ZFP64: variants seen among roughly 807,000 people sequenced by gnomAD.
ZFP64 encodes ZFP64 zinc finger protein.
In ZFP64, 14 loss-of-function variants were observed where a neutral mutation model predicts 51.6. That is an observed-to-expected ratio of 0.27 (90% confidence interval 0.18 to 0.42). The LOEUF (loss-of-function observed/expected upper bound fraction) is 0.42, where lower values mean the gene tolerates loss of function less well. Ranked by LOEUF, ZFP64 falls within the 10% of genes least tolerant of loss-of-function variation. ZFP64 has a pLI of 1.00. For missense variants in ZFP64, 754 were observed against 906.8 expected (o/e 0.83, Z 2.16); for synonymous variants, 375 against 361.4 (o/e 1.04, Z -0.43).
chr20:52,110,552 T>G, intron 5 of ZFP64: 1 of 724,328 alleles, frequency 1.4e-6, no homozygotes, highest in Non-Finnish European at 2.5e-6. Context: ...TCAGTCTCCT[T>G]CACACTTGAG....
At chr20:52,165,683 T>C (rs944118975) in intron 3 of ZFP64, 181 bp downstream of exon 3, 4 of 829,278 alleles carry the variant, frequency 4.8e-6, no homozygotes, top group Non-Finnish European at 7.9e-6. Context: ...AGAGGCAGAA[T>C]GACCACAGAC....
intron 5 of ZFP64, among the ~76,000 whole-genome samples, chr20:52,120,087 G>T (rs1334698029): frequency 6.6e-6 from 1 of 152,102 alleles, no homozygotes; most frequent in African/African-American, 2.4e-5. Flanking sequence ...TATAAAAGAG[G>T]CATCAGAGAG....
At chr20:52,124,781 T>C (rs1170323152) in intron 5 of ZFP64, among the ~76,000 whole-genome samples, 5 of 151,746 alleles carry the variant, frequency 3.3e-5, no homozygotes, top group Admixed American at 1.3e-4. Context: ...ATTTTCTTTT[T>C]TTTTTAGAGA....
intron 6 of ZFP64, chr20:52,098,295 G>T: frequency 8.6e-7 from 1 of 1,160,102 alleles, no homozygotes; most frequent in South Asian, 1.6e-5. Context: ...GCCCCCCAGG[G>T]AAGGCTGTTG....
chr20:52,091,395 G>A (rs577466098), intron 7 of ZFP64, among the ~76,000 whole-genome samples: 10 of 152,198 alleles, frequency 6.6e-5, no homozygotes, highest in African/African-American at 2.4e-4. Context: ...TAAATGCTCT[G>A]AAGATACCTA....
chr20:52,085,331 G>T lies in ZFP64; in HGVS notation c.1229-65C>A. On this transcript the variant is annotated intron_variant, in intron 8 of 8. Coordinates refer to the ZFP64 transcript ENST00000361387. This position sits in a 1 kb window ranked among gnomAD's most constrained non-coding sequence, Gnocchi z 4.3. ...AAAACAGACCCTCCCACCCCAACCT[G>T]CCTTAGCACACTTGGCCGCCATGAG... The T allele has an allele frequency of 1.3e-6, 2 of 1,483,132 alleles. No individual in the cohort carries two copies. The highest frequency in any genetic ancestry group is 4.5e-5 in the Admixed American group (2 of 44,616). The allele number at this position is 1,483,132 out of a possible 1,614,324, so 91.9% of individuals were successfully genotyped here.
chr20:52,164,779 T>C (rs1982111549), intron 3 of ZFP64, 22 bp from the exon 4 acceptor site: 1 of 1,595,964 alleles, frequency 6.3e-7, no homozygotes, highest in Non-Finnish European at 8.6e-7. Context: ...AAGGAAAGAT[T>C]AATTACAAAG....
chr20:52,165,169 T>C (rs1982147703), intron 3 of ZFP64: 1 of 458,664 alleles, frequency 2.2e-6, no homozygotes, highest in South Asian at 1.5e-5. Context: ...TCTTTTGATA[T>C]TGGTAGAAAG....
chr20:52,086,039 G>C (rs1190375528), intron 8 of ZFP64, among the ~76,000 whole-genome samples: 1 of 152,100 alleles, frequency 6.6e-6, no homozygotes, highest in Non-Finnish European at 1.5e-5. Context: ...TCACATTTTA[G>C]TCCATCAGCT....
intron 7 of ZFP64, among the ~76,000 whole-genome samples, chr20:52,094,908 A>T (rs557261462): frequency 6.6e-6 from 1 of 152,178 alleles, no homozygotes; most frequent in Non-Finnish European, 1.5e-5. Context: ...CTAACCCTAC[A>T]ATGATGGTGA....
intron 7 of ZFP64, among the ~76,000 whole-genome samples, chr20:52,094,733 G>A (rs192638247): frequency 6.9e-4 from 101 of 146,932 alleles, no homozygotes; most frequent in Non-Finnish European, 1.2e-3. Context: ...AGAAGACCCT[G>A]TCTCAAAATA....
intron 5 of ZFP64, among the ~76,000 whole-genome samples, chr20:52,133,790 T>C (rs1174442725): frequency 6.6e-6 from 1 of 152,062 alleles, no homozygotes; most frequent in Non-Finnish European, 1.5e-5. Context: ...TCCAGCACTC[T>C]GGCAGGCCGG....
chr20:52,160,090 G>A lies in ZFP64; in HGVS notation c.763+33C>T. 1.2e-6 allele frequency: 2 copies of A among 1,613,988 alleles called. No homozygotes were observed. Among genetic ancestry groups the A allele is most frequent in the Non-Finnish European group, 1.7e-6 (2 of 1,180,024 alleles). ...TATGATTTATGCCATAGAAAGTGAG[G>A]AGCGTAGAGAGCAAATAACAGGCAG... On this transcript the variant is annotated intron_variant, in intron 5 of 5. Transcript: ENST00000216923. This position sits in a 1 kb window ranked among gnomAD's most constrained non-coding sequence, Gnocchi z 4.2.
intron 6 of ZFP64, among the ~76,000 whole-genome samples, chr20:52,097,884 C>G (rs6013389): frequency 7.3e-6 from 1 of 137,430 alleles, no homozygotes; most frequent in African/African-American, 2.8e-5. Context: ...GCCTGGGTAA[C>G]GTAGAGACCC....
chr20:52,152,647 G>A lies in ZFP64; in HGVS notation c.1545C>T (p.Ala515=), dbSNP rs776331231. Reference sequence around the variant, plus strand: ...GCGGGACGATGTTCACTGCAGCGGCGGCAGCCTGGACGATGGTGTTCGCCT... The same window carrying A: ...GCGGGACGATGTTCACTGCAGCGGCAGCAGCCTGGACGATGGTGTTCGCCT... ...VPQANTIVQA[A]AAAVNIVPPA... is the part of the protein sequence containing the mutation. The change falls in exon 6 of 6, where the codon GCC becomes GCT. Residue 515 remains alanine (A), a synonymous_variant. Coordinates refer to ENST00000216923, the MANE Select transcript of ZFP64 (RefSeq NM_018197.3). 1 of 1,532,764 alleles carries A rather than the reference G, an allele frequency of 6.5e-7. No homozygotes were observed. The highest frequency in any genetic ancestry group is 8.7e-7 in the Non-Finnish European group (1 of 1,143,786). 94.9% of individuals were successfully genotyped at this position (1,532,764 alleles called of 1,614,324 possible). A position where few individuals can be genotyped will look rare whatever the true frequency, so the allele number is the denominator to read the frequency against.
intron 7 of ZFP64, chr20:52,088,910 A>C (rs1278592370): frequency 1.6e-6 from 1 of 617,418 alleles, no homozygotes; most frequent in Non-Finnish European, 3.0e-6. Flanking sequence ...GAAAAATGGC[A>C]GTGGTTATAG....
exon 8 of ZFP64, chr20:52,088,410 G>A (rs756936017): frequency 2.3e-5 from 37 of 1,612,076 alleles, no homozygotes; most frequent in Non-Finnish European, 3.1e-5. Flanking sequence ...GATCGCAGGT[G>A]GACGGTGAGC....
intron 5 of ZFP64, among the ~76,000 whole-genome samples, chr20:52,123,207 C>T (rs978880881): frequency 7.2e-5 from 11 of 152,198 alleles, no homozygotes; most frequent in African/African-American, 2.4e-4. Flanking sequence ...GCCAGGCGAA[C>T]ATGTTCGCCA....
chr20:52,110,528 C>G (rs12625911), intron 5 of ZFP64: 2 of 722,948 alleles, frequency 2.8e-6, no homozygotes, highest in Non-Finnish European at 2.5e-6. Context: ...AGGTATTGCT[C>G]GGCCCAGTTC....
Sources: allele counts gnomAD v4.1 joint callset (sites outside exome capture counted in the v4.1 genomes callset), GRCh38; gene constraint gnomAD v4.1.1; non-coding constraint Gnocchi (gnomAD v3.1); transcripts MANE v1.5; gene names NCBI Gene and HGNC (gene_info 2026-07-23, HGNC 2026-07-21).